Variants in TSNARE1 observed in about 807,000 individuals in gnomAD.
The protein encoded by TSNARE1 is t-SNARE domain-containing protein 1.
A neutral mutation model predicts 62.0 loss-of-function variants in TSNARE1; 49 were observed. The ratio of observed to expected loss-of-function variants is 0.79; its 90% CI spans 0.63 to 1.00. The LOEUF is 1.00. TSNARE1 is among the 50% of genes least tolerant of loss of function. The probability of loss-of-function intolerance (pLI) is 0.00; values close to 1 mark genes in which losing one functional copy is unlikely to be tolerated. For synonymous variants in TSNARE1, 328 were observed against 294.4 expected (o/e 1.11, Z -1.17); for missense variants, 755 against 700.1 (o/e 1.08, Z -0.88).
At chr8:142,299,730 G>A (rs993973642) in intron 10 of TSNARE1, among the ~76,000 whole-genome samples, 8 of 151,798 alleles carry the variant, frequency 5.3e-5, no homozygotes, top group African/African-American at 1.5e-4. Flanking sequence ...TCACATGCAC[G>A]CACACACGTG....
intron 9 of TSNARE1, among the ~76,000 whole-genome samples, chr8:142,303,077 C>T (rs1826036928): frequency 6.6e-6 from 1 of 152,198 alleles, no homozygotes; most frequent in African/African-American, 2.4e-5. Context: ...GCCTGGCTCA[C>T]AGGACCTGCT....
intron 12 of TSNARE1, among the ~76,000 whole-genome samples, chr8:142,252,913 T>C (rs1207228099): frequency 6.6e-6 from 1 of 152,176 alleles, no homozygotes; most frequent in Non-Finnish European, 1.5e-5. Context: ...GTATGAGGCT[T>C]GGCTGAGTCA....
intron 4 of TSNARE1, among the ~76,000 whole-genome samples, chr8:142,343,075 T>TCCCTGACCC (rs1832813585): frequency 6.6e-6 from 1 of 152,054 alleles, no homozygotes; most frequent in South Asian, 2.1e-4. Context: ...CCTGCAGACC[T>TCCCTGACCC]CCCTGACCCA....
chr8:142,226,365 G>A (rs1444263913), intron 13 of TSNARE1, among the ~76,000 whole-genome samples: 2 of 152,176 alleles, frequency 1.3e-5, no homozygotes, highest in African/African-American at 4.8e-5. Context: ...GCAGCAGGCG[G>A]GGGTCCTCTC....
At chr8:142,358,717 T>C (rs1834931935) in intron 1 of TSNARE1, among the ~76,000 whole-genome samples, 1 of 150,800 alleles carries the variant, frequency 6.6e-6, no homozygotes, top group Non-Finnish European at 1.5e-5. Flanking sequence ...CTTCTGCCTA[T>C]TCACGGCCCC....
chr8:142,359,549 C>T (rs1274390497), intron 1 of TSNARE1, among the ~76,000 whole-genome samples: 3 of 152,182 alleles, frequency 2.0e-5, no homozygotes, highest in East Asian at 1.9e-4. Context: ...CCGCTCACGT[C>T]GCTGGATGCC....
intron 2 of TSNARE1, among the ~76,000 whole-genome samples, chr8:142,346,142 A>G (rs561345449): frequency 6.6e-6 from 1 of 152,354 alleles, no homozygotes; most frequent in South Asian, 2.1e-4. Context: ...ACTGCAAACT[A>G]GCAAACAACC....
At chr8:142,271,144 G>A in intron 12 of TSNARE1, 1 of 987,662 alleles carries the variant, frequency 1.0e-6, no homozygotes, top group Non-Finnish European at 1.2e-6. Context: ...GCCCCGAGTG[G>A]GTGCCCTTGG....
intron 1 of TSNARE1, among the ~76,000 whole-genome samples, chr8:142,355,119 C>T (rs1016970365): frequency 2.6e-5 from 4 of 152,326 alleles, no homozygotes; most frequent in South Asian, 2.1e-4. Context: ...GAGCGCTGGG[C>T]CCCCGCCATG....
In TSNARE1 at chr8:142,273,216, C is replaced by T. The variant is rs1205223799; in HGVS notation, c.1446+1565G>A. The T allele has an allele frequency of 6.1e-6, 6 of 985,144 alleles. No homozygotes were observed. The African/African-American group carries it at 8.7e-5, about 14-fold the overall frequency. The allele number at this position is 985,144 out of a possible 1,614,324, so 61.0% of individuals were successfully genotyped here. On this transcript the variant is annotated intron_variant, in intron 12 of 13. Coordinates refer to ENST00000524325, the MANE Select transcript of TSNARE1 (RefSeq NM_145003.5). Reference sequence around the variant, plus strand: ...TTCACCTCCTCCTCTTCCTCACTGTCCCATCGTCCTCCTGCCGTCCCAGGC... The same window carrying T: ...TTCACCTCCTCCTCTTCCTCACTGTTCCATCGTCCTCCTGCCGTCCCAGGC...
rs893948812 is a variant in TSNARE1 at position 142,330,654 on chromosome 8, C to T, written c.893+247G>A. ...CACAGGTGCACCTGGGCTTCTACGT[C>T]GGGGCGGGGTGCACCTGTGTGCCCT... is the stretch of plus-strand genomic sequence containing the variant. On this transcript the variant is annotated intron_variant, in intron 6 of 13. Coordinates refer to ENST00000524325, the MANE Select transcript of TSNARE1 (RefSeq NM_145003.5). Among the ~76,000 whole-genome samples, 3 of 152,238 alleles carry T rather than the reference C, an allele frequency of 2.0e-5. No homozygotes were observed. The South Asian group carries it at 6.2e-4, about 32-fold the overall frequency.
intron 6 of TSNARE1, 135 bp from the exon 7 acceptor site, chr8:142,318,769 A>G (rs1828989822): frequency 2.8e-6 from 2 of 716,908 alleles, no homozygotes; most frequent in African/African-American, 3.5e-5. Context: ...ACAGGCGGAG[A>G]GAGGGCCGAG....
intron 2 of TSNARE1, among the ~76,000 whole-genome samples, chr8:142,353,727 G>A (rs560996900): frequency 2.3e-4 from 35 of 152,300 alleles, no homozygotes; most frequent in Non-Finnish European, 4.0e-4. Context: ...CAGAGCCCCG[G>A]CAAGAGCCAA....
chr8:142,398,342 T>C (rs1333925095), intron 1 of TSNARE1, among the ~76,000 whole-genome samples: 3 of 29,304 alleles, frequency 1.0e-4, no homozygotes, highest in African/African-American at 1.4e-4. Flanking sequence ...AACACACCCC[T>C]AGCCCTGCCC....
intron 9 of TSNARE1, among the ~76,000 whole-genome samples, chr8:142,302,338 T>C (rs1024521864): frequency 3.9e-5 from 6 of 152,096 alleles, no homozygotes; most frequent in African/African-American, 1.4e-4. Flanking sequence ...CGGCCACTGG[T>C]CTTGGCCCAG....
At chr8:142,297,384 T>A (rs1053663032) in intron 10 of TSNARE1, among the ~76,000 whole-genome samples, 1 of 152,182 alleles carries the variant, frequency 6.6e-6, no homozygotes, top group African/African-American at 2.4e-5. Context: ...CTGCTTCCCC[T>A]CCCTGGGCCT....
At chr8:142,321,803 A>C (rs1829523123) in intron 6 of TSNARE1, among the ~76,000 whole-genome samples, 1 of 152,224 alleles carries the variant, frequency 6.6e-6, no homozygotes, top group African/African-American at 2.4e-5. Flanking sequence ...GCAGAAGTAA[A>C]TTTGTGCTTA....
chr8:142,350,869 A>G (rs1209069361), intron 2 of TSNARE1, among the ~76,000 whole-genome samples: 1 of 152,164 alleles, frequency 6.6e-6, no homozygotes, highest in African/African-American at 2.4e-5. Context: ...ACAGAGACAC[A>G]CTCGAAGGAG....
intron 12 of TSNARE1, among the ~76,000 whole-genome samples, chr8:142,262,748 G>T (rs922542930): frequency 7.2e-6 from 1 of 139,472 alleles, no homozygotes; most frequent in Non-Finnish European, 1.7e-5. Flanking sequence ...CACCATGATT[G>T]TAAGTTCCCT....
Sources: gnomAD v4.1 joint callset for allele counts (sites outside exome capture counted in the v4.1 genomes callset) on GRCh38, gnomAD v4.1.1 for gene constraint, MANE v1.5 for transcripts, NCBI Gene and HGNC (gene_info 2026-07-23, HGNC 2026-07-21) for gene names.